Variants in MYO5B observed in about 807,000 individuals in gnomAD.
MYO5B encodes the protein unconventional myosin-Vb.
MYO5B carries 143 observed loss-of-function variants against 229.3 expected under a neutral mutation model. That is an observed-to-expected ratio of 0.62 (90% confidence interval 0.54 to 0.72). MYO5B has a LOEUF of 0.72. MYO5B is among the 30% of genes least tolerant of loss of function. The pLI is 0.00. For synonymous variants in MYO5B, 918 were observed against 885.2 expected, an observed-to-expected ratio of 1.04 and a Z score of -0.66; for missense variants, 2,321 against 2,331.0, an observed-to-expected ratio of 1.00 and a Z score of 0.09.
chr18:49,995,852 C>A (rs999534401), intron 5 of MYO5B, among the ~76,000 whole-genome samples: 6 of 152,152 alleles, frequency 3.9e-5, no homozygotes, highest in African/African-American at 1.4e-4. Flanking sequence ...CTAATGGAGG[C>A]CCAACTACCA....
Position 50,104,739 on chromosome 18 carries a change from A to G in MYO5B, c.28-49361T>C, listed in dbSNP as rs144595549. On this transcript the variant is annotated intron_variant, in intron 1 of 39. Transcript: ENST00000285039. ...TTTCATAGCCTTTTCCCTAAGTTTG[A>G]AATTGCTGGGTCCTAGGGGAAAATT... 1.5e-4 allele frequency among the ~76,000 whole-genome samples: 23 copies of G among 152,336 alleles called. No homozygotes were observed. The East Asian group carries it at 4.2e-3, about 28-fold the overall frequency.
At chr18:49,910,887 C>T (rs140616225) in intron 18 of MYO5B, among the ~76,000 whole-genome samples, 51 of 152,190 alleles carry the variant, frequency 3.4e-4, no homozygotes, top group Non-Finnish European at 6.2e-4. Flanking sequence ...TAACCTTTAT[C>T]GAGCCATTAA....
At chr18:49,836,677 A>G (rs115950373) in intron 38 of MYO5B, 34 bp downstream of exon 38, 1 of 1,613,244 alleles carries the variant, frequency 6.2e-7, no homozygotes, top group African/African-American at 1.3e-5. Context: ...CTTCCTTGGA[A>G]TACCATGTTG....
chr18:50,054,393 A>G (rs1005920505), intron 2 of MYO5B, among the ~76,000 whole-genome samples: 1 of 152,178 alleles, frequency 6.6e-6, no homozygotes, highest in African/African-American at 2.4e-5. Flanking sequence ...ACTCACTTCC[A>G]TGCCTACTGC....
chr18:50,004,960 G>A (rs1213429402), intron 4 of MYO5B, among the ~76,000 whole-genome samples: 2 of 152,144 alleles, frequency 1.3e-5, no homozygotes, highest in Admixed American at 6.5e-5. Flanking sequence ...GTCTGACTTT[G>A]GACAAAGTAG....
At chr18:49,923,116 C>T (rs2025092759) in intron 17 of MYO5B, among the ~76,000 whole-genome samples, 1 of 152,196 alleles carries the variant, frequency 6.6e-6, no homozygotes, top group African/African-American at 2.4e-5. Context: ...AAGCCCTCTG[C>T]AACTTACTGT....
chr18:50,129,055 G>T (rs1021511751), intron 1 of MYO5B, among the ~76,000 whole-genome samples: 1 of 152,212 alleles, frequency 6.6e-6, no homozygotes, highest in Non-Finnish European at 1.5e-5. Context: ...GGCTGTCAGA[G>T]CCGGCTCAGG....
At position 50,169,767 on chromosome 18, in the gene MYO5B, C is replaced by T. The variant is rs1189171695; in HGVS notation, c.27+25000G>A. ...TGCCTTGAATTACTCTTGCAATTTT[C>T]CTGAAGTCTGAAAAGATTTCAAAAC... On this transcript the variant is annotated intron_variant, in intron 1 of 39. Coordinates refer to ENST00000285039, the MANE Select transcript of MYO5B (RefSeq NM_001080467.3). Among the ~76,000 whole-genome samples, 30 of 127,378 alleles carry T rather than the reference C, an allele frequency of 2.4e-4. 10 individuals are homozygous for T. Among genetic ancestry groups the T allele is most frequent in the African/African-American group, 8.9e-4 (30 of 33,642 alleles). 83.6% of individuals were successfully genotyped at this position (127,378 alleles called of 152,430 possible).
intron 25 of MYO5B, 89 bp downstream of exon 25, chr18:49,877,674 A>G: frequency 6.3e-7 from 1 of 1,574,852 alleles, no homozygotes; most frequent in Non-Finnish European, 8.7e-7. Context: ...CATCAGCAGA[A>G]GAGTAAATTT....
intron 12 of MYO5B, among the ~76,000 whole-genome samples, chr18:49,961,430 G>A (rs1199792276): frequency 6.6e-6 from 1 of 152,176 alleles, no homozygotes; most frequent in Non-Finnish European, 1.5e-5. Context: ...AACAAAACTA[G>A]GAGAGCCCTT....
intron 27 of MYO5B, among the ~76,000 whole-genome samples, chr18:49,867,481 G>A (rs1008259835): frequency 2.6e-5 from 4 of 152,112 alleles, no homozygotes; most frequent in African/African-American, 9.7e-5. Context: ...CGCCCCGGGA[G>A]AGTGTGCTGA....
rs1211597919 is a variant in MYO5B, at chr18:50,169,687, G to C, written c.27+25080C>G. Among the ~76,000 whole-genome samples the C allele has an allele frequency of 1.6e-5, 2 of 128,036 alleles. 1 individual carries two copies. Among genetic ancestry groups the C allele is most frequent in the Admixed American group, 1.7e-4 (2 of 11,960 alleles). 84.0% of individuals were successfully genotyped at this position (128,036 alleles called of 152,430 possible). On this transcript the variant is annotated intron_variant, in intron 1 of 39. Transcript: ENST00000285039. ...CCTGGATTGGTACCGTTATCATAAA[G>C]GGTATTACTGAGTCAATGGACAAAA...
chr18:49,903,884 C>A (rs557772300), intron 20 of MYO5B, among the ~76,000 whole-genome samples: 2 of 152,208 alleles, frequency 1.3e-5, no homozygotes, highest in Admixed American at 1.3e-4. Context: ...GGGAAGAGGT[C>A]GGGGCCTCCC....
intron 12 of MYO5B, among the ~76,000 whole-genome samples, chr18:49,961,298 G>A (rs1374256520): frequency 6.6e-6 from 1 of 152,114 alleles, no homozygotes; most frequent in African/African-American, 2.4e-5. Context: ...CGATTCTCGG[G>A]ATGAAGCCCA....
At chr18:49,841,969 C>T (rs900234933) in intron 34 of MYO5B, among the ~76,000 whole-genome samples, 1 of 152,146 alleles carries the variant, frequency 6.6e-6, no homozygotes, top group Non-Finnish European at 1.5e-5. Context: ...GTGAAAAAGC[C>T]TGCTCAGCAA....
rs908261701 is a variant in MYO5B, at chr18:50,166,468, A to G, written c.27+28299T>C. Reference sequence around the variant, plus strand: ...TTACAAAACATCCATCATCCCAATAACACACAGCTAAGCTGGTACATCTCA... The same window carrying G: ...TTACAAAACATCCATCATCCCAATAGCACACAGCTAAGCTGGTACATCTCA... On this transcript the variant is annotated intron_variant, in intron 1 of 39. Coordinates refer to ENST00000285039, the MANE Select transcript of MYO5B (RefSeq NM_001080467.3). 1.7e-4 allele frequency among the ~76,000 whole-genome samples: 26 copies of G among 152,192 alleles called. 1 individual carries two copies. Among genetic ancestry groups the G allele is most frequent in the Admixed American group, 1.7e-3 (26 of 15,272 alleles).
chr18:50,113,917 A>C (rs1477322878), intron 1 of MYO5B, among the ~76,000 whole-genome samples: 3 of 152,156 alleles, frequency 2.0e-5, no homozygotes, highest in African/African-American at 7.2e-5. Flanking sequence ...CACACAATTA[A>C]CTCATTTTAT....
chr18:50,112,784 T>C (rs774801128), intron 1 of MYO5B, among the ~76,000 whole-genome samples: 2 of 152,222 alleles, frequency 1.3e-5, no homozygotes, highest in Non-Finnish European at 2.9e-5. Context: ...ATTGTCAAAA[T>C]GTTTGTGAAA....
chr18:50,181,700 T>C (rs1160721143), intron 1 of MYO5B, among the ~76,000 whole-genome samples: 1 of 152,210 alleles, frequency 6.6e-6, no homozygotes, highest in Non-Finnish European at 1.5e-5. Context: ...GGATGTAGCA[T>C]GCTGGTCATA....
Sources: allele counts gnomAD v4.1 joint callset (sites outside exome capture counted in the v4.1 genomes callset), GRCh38; gene constraint gnomAD v4.1.1; transcripts MANE v1.5; gene names NCBI Gene and HGNC (gene_info 2026-07-23, HGNC 2026-07-21).